MED12L: variants seen among roughly 807,000 people sequenced by gnomAD.
The protein encoded by MED12L is mediator complex subunit 12L.
MED12L carries 60 observed loss-of-function variants against 281.3 expected under a neutral mutation model. The ratio of observed to expected loss-of-function variants is 0.21; its 90% CI spans 0.17 to 0.26. The LOEUF (loss-of-function observed/expected upper bound fraction) is 0.26, where lower values mean the gene tolerates loss of function less well. MED12L is among the 10% of genes least tolerant of loss of function. The pLI is 1.00. For synonymous variants in MED12L, 974 were observed against 987.2 expected, an observed-to-expected ratio of 0.99 and a Z score of 0.25; for missense variants, 2,146 against 2,680.9, an observed-to-expected ratio of 0.80 and a Z score of 4.41.
intron 44 of MED12L, among the ~76,000 whole-genome samples, chr3:151,430,640 T>C (rs564146404): frequency 6.7e-6 from 1 of 149,962 alleles, no homozygotes; most frequent in Non-Finnish European, 1.5e-5. Context: ...TAGAAATATT[T>C]CTTCTCATTG....
chr3:151,138,681 T>G (rs975769711), intron 5 of MED12L, among the ~76,000 whole-genome samples: 1 of 152,198 alleles, frequency 6.6e-6, no homozygotes, highest in Non-Finnish European at 1.5e-5. Flanking sequence ...GATATTTTTC[T>G]TATGGTTAGA....
chr3:151,293,677 A>ACACACACACACACACACC (rs200041934), intron 16 of MED12L, among the ~76,000 whole-genome samples: 1 of 121,256 alleles, frequency 8.2e-6, no homozygotes, highest in African/African-American at 3.8e-5. Flanking sequence ...ACACACACAC[A>ACACACACACACACACACC]CCCTCTACCT....
At chr3:151,308,038 G>A (rs138333792) in intron 16 of MED12L, among the ~76,000 whole-genome samples, 138 of 152,188 alleles carry the variant, frequency 9.1e-4, no homozygotes, top group African/African-American at 3.3e-3. Context: ...TACTTCCCAA[G>A]GGTGCTGTGT....
At chr3:151,290,140 C>A (rs1472087271) in intron 16 of MED12L, among the ~76,000 whole-genome samples, 1 of 152,120 alleles carries the variant, frequency 6.6e-6, no homozygotes, top group Non-Finnish European at 1.5e-5. Flanking sequence ...ATCACCTTGG[C>A]CTCCCAAAGT....
intron 5 of MED12L, among the ~76,000 whole-genome samples, chr3:151,137,199 G>T (rs1560083659): frequency 6.7e-6 from 1 of 149,548 alleles, no homozygotes; most frequent in East Asian, 1.9e-4. Context: ...ACGAAAAAAA[G>T]TTTATTTTTG....
rs1246872678 is a variant in MED12L, at chr3:151,214,116, G to T, written c.2250+20450G>T. The T allele has an allele frequency of 6.2e-7, 1 of 1,614,028 alleles. No individual in the cohort carries two copies. The highest frequency in any genetic ancestry group is 1.7e-5 in the Admixed American group (1 of 60,018). ...AAGGAAAAGTCAGGCTCATCACAAAGTCAGCAATAACAATGTTCTTGAGAT... is the reference window on the plus strand; with the variant it reads ...AAGGAAAAGTCAGGCTCATCACAAATTCAGCAATAACAATGTTCTTGAGAT... On this transcript the variant is annotated intron_variant, in intron 16 of 44. Transcript: ENST00000687756.
In MED12L at chr3:151,086,972, C is replaced by G. The variant is rs1470580400; in HGVS notation, c.46C>G (p.Arg16Gly). The change falls in exon 2 of 45, where the codon CGC becomes GGC. Residue 16 changes from arginine to glycine, a missense_variant. By Grantham distance (125) the Arg-to-Gly change is moderately radical. Around this residue, in one of 9 missense-constraint regions of MED12L, gnomAD observed 44 missense variants for 39.7 expected, o/e 1.11. Coordinates refer to ENST00000687756, the MANE Select transcript of MED12L (RefSeq NM_001393769.1). ...LLSYEQRPLK[R>G]PRLGPPDVYP... Reference sequence around the variant, plus strand: ...CAGCTATGAGCAGAGACCGCTGAAGCGCCCCCGGCTCGGGCCGCCCGACGT... The same window carrying G: ...CAGCTATGAGCAGAGACCGCTGAAGGGCCCCCGGCTCGGGCCGCCCGACGT... The G allele has an allele frequency of 6.2e-7, 1 of 1,610,078 alleles. No homozygotes were observed. The highest frequency in any genetic ancestry group is 8.5e-7 in the Non-Finnish European group (1 of 1,178,866).
At chr3:151,295,027 T>G in intron 16 of MED12L, 2 of 1,613,934 alleles carry the variant, frequency 1.2e-6, no homozygotes, top group South Asian at 2.2e-5. Flanking sequence ...TGAAGCTGGT[T>G]TTATTCCTAA....
chr3:151,385,012 T>G lies in MED12L; in HGVS notation c.4927-18T>G. ...TCTGTCCCACTTCTCACTCTCTCTC[T>G]CTCTCTTTTTTCTTTAGAAAGAGCT... On this transcript the variant is annotated intron_variant, in intron 35 of 44. Transcript: ENST00000687756. 1 of 1,306,270 alleles carries G rather than the reference T, an allele frequency of 7.7e-7. No individual in the cohort carries two copies. Among genetic ancestry groups the G allele is most frequent in the Non-Finnish European group, 1.1e-6 (1 of 903,098 alleles). 80.9% of individuals were successfully genotyped at this position (1,306,270 alleles called of 1,614,324 possible).
At chr3:151,212,845 C>CTTCATCAAACTGTGCCTGCT (rs1727401962) in intron 16 of MED12L, 1 of 151,914 alleles carries the variant, frequency 6.6e-6, no homozygotes, top group South Asian at 2.1e-4. Context: ...CTCTCTAGCC[C>CTTCATCAAACTGTGCCTGCT]TTCATCAAAC....
chr3:151,214,122 A>G, intron 16 of MED12L: 1 of 1,614,150 alleles, frequency 6.2e-7, no homozygotes, highest in Non-Finnish European at 8.5e-7. Flanking sequence ...CAAAGTCAGC[A>G]ATAACAATGT....
intron 20 of MED12L, among the ~76,000 whole-genome samples, chr3:151,359,313 G>A (rs1170890389): frequency 1.3e-5 from 2 of 152,102 alleles, no homozygotes; most frequent in Non-Finnish European, 2.9e-5. Flanking sequence ...TAGTTAACAG[G>A]TTGAATCATT....
intron 16 of MED12L, among the ~76,000 whole-genome samples, chr3:151,335,017 C>A (rs762161608): frequency 6.6e-6 from 1 of 151,906 alleles, no homozygotes; most frequent in African/African-American, 2.4e-5. Context: ...TGATTTTTTT[C>A]CTCACAAACA....
rs777477656 is a variant in MED12L, at chr3:151,434,032, A to G, written c.*1228A>G. On this transcript the variant is annotated 3_prime_UTR_variant, in exon 45 of 45. Coordinates refer to ENST00000687756, the MANE Select transcript of MED12L (RefSeq NM_001393769.1). ...TTTGTGTAACTTAAGAGTATTCTAT[A>G]TAATATTTTTTTAGATTTAGATGCA... 3 of 152,634 alleles carry G rather than the reference A, an allele frequency of 2.0e-5. No individual in the cohort carries two copies. Among genetic ancestry groups the G allele is most frequent in the Non-Finnish European group, 4.4e-5 (3 of 68,034 alleles). The allele number at this position is 152,634 out of a possible 1,614,324, so 9.5% of individuals were successfully genotyped here.
At chr3:151,126,998 C>T (rs528135079) in intron 4 of MED12L, among the ~76,000 whole-genome samples, 1 of 152,280 alleles carries the variant, frequency 6.6e-6, no homozygotes, top group Admixed American at 6.5e-5. Context: ...TCTCATCCTG[C>T]TGCATCGTGG....
intron 16 of MED12L, among the ~76,000 whole-genome samples, chr3:151,272,365 G>A (rs1741116665): frequency 6.6e-6 from 1 of 152,170 alleles, no homozygotes; most frequent in African/African-American, 2.4e-5. Context: ...TTTCTACTCA[G>A]TATATCATTC....
chr3:151,109,238 G>A (rs55989532), intron 2 of MED12L, among the ~76,000 whole-genome samples: 1,567 of 152,246 alleles, frequency 0.01, 14 homozygotes, highest in Middle Eastern at 0.017. Flanking sequence ...TGTATTTTAA[G>A]TAGAGACGGG....
At chr3:151,164,210 C>G (rs955763164) in intron 9 of MED12L, among the ~76,000 whole-genome samples, 168 bp downstream of exon 9, 26 of 152,210 alleles carry the variant, frequency 1.7e-4, no homozygotes, top group African/African-American at 5.8e-4. Context: ...TTCAGAACCA[C>G]TGAAATTCTC....
chr3:151,258,959 C>T (rs1235601698), intron 16 of MED12L, among the ~76,000 whole-genome samples: 3 of 152,020 alleles, frequency 2.0e-5, no homozygotes, highest in East Asian at 3.9e-4. Context: ...CTGCAGGCTT[C>T]GCCTTTGCCA....
Sources: allele counts gnomAD v4.1 joint callset (sites outside exome capture counted in the v4.1 genomes callset), GRCh38; gene constraint gnomAD v4.1.1; regional missense constraint gnomAD v4.1.1; transcripts MANE v1.5; gene names NCBI Gene and HGNC (gene_info 2026-07-23, HGNC 2026-07-21).